Variants in CNKSR3 observed in about 807,000 individuals in gnomAD.
CNKSR3 encodes connector enhancer of kinase suppressor of ras 3.
Under a neutral mutation model 67.7 loss-of-function variants are expected in CNKSR3, and 36 were observed. The observed-to-expected ratio is 0.53, with a 90% CI of 0.41 to 0.70. The LOEUF is 0.70. CNKSR3 is among the 30% of genes least tolerant of loss of function. CNKSR3 has a pLI of 0.00. For missense variants in CNKSR3, 630 were observed against 695.2 expected (o/e 0.91, Z 1.05); for synonymous variants, 281 against 271.4 (o/e 1.04, Z -0.35).
At chr6:154,467,557 T>A (rs1786230340) in intron 1 of CNKSR3, among the ~76,000 whole-genome samples, 1 of 152,188 alleles carries the variant, frequency 6.6e-6, no homozygotes, top group South Asian at 2.1e-4. Context: ...TAGGTCATAT[T>A]CGTAAGAGGT....
intron 9 of CNKSR3, among the ~76,000 whole-genome samples, chr6:154,421,224 G>A (rs1785137526): frequency 6.6e-6 from 1 of 152,178 alleles, no homozygotes; most frequent in African/African-American, 2.4e-5. Flanking sequence ...ACGTTGGCCA[G>A]GCTGGTCTCA....
rs909123997 is a variant in CNKSR3, at chr6:154,492,977, C to T, written c.52+17086G>A. ...TTCATGTGACTATTGCCATGGCATC[C>T]GAACTAGTTCCCTGATCCCACCCTT... On this transcript the variant is annotated intron_variant, in intron 1 of 12. Transcript: ENST00000607772. Among the ~76,000 whole-genome samples the T allele has an allele frequency of 7.2e-5, 11 of 152,134 alleles. No individual in the cohort carries two copies. The East Asian group carries it at 7.7e-4, about 11-fold the overall frequency.
At position 154,450,128 on chromosome 6, in the gene CNKSR3, A is replaced by C; in HGVS notation, c.183T>G (p.Leu61=). ...LGVTRIGHQE[L]VLEAVDLLCA... is the part of the protein sequence containing the mutation. ...AGAGAAGGTCCACAGCCTCCAACAC[A>C]AGCTCCTGGTGTCCAATCCGTGTGA... is the stretch of plus-strand genomic sequence containing the variant. The change falls in exon 2 of 13, where the codon CTT becomes CTG. Residue 61 remains leucine (L), a synonymous_variant. Coordinates refer to ENST00000607772, the MANE Select transcript of CNKSR3 (RefSeq NM_173515.4). The C allele has an allele frequency of 6.2e-7, 1 of 1,614,054 alleles. No homozygotes were observed. The highest frequency in any genetic ancestry group is 8.5e-7 in the Non-Finnish European group (1 of 1,179,978).
Position 154,491,304 on chromosome 6 carries a change from A to G in CNKSR3, c.52+18759T>C, listed in dbSNP as rs952301036. 2.0e-5 allele frequency among the ~76,000 whole-genome samples: 3 copies of G among 152,204 alleles called. No individual in the cohort carries two copies. In the East Asian group the frequency reaches 5.8e-4, roughly 29 times the overall value. ...TTCCACTTAACTGAAGTCACCAAAC[A>G]AAGACAGCCCCTGTCTTATTCACTG... On this transcript the variant is annotated intron_variant, in intron 1 of 12. Transcript: ENST00000607772.
At chr6:154,426,604 C>T (rs931651281) in intron 7 of CNKSR3, among the ~76,000 whole-genome samples, 1 of 152,184 alleles carries the variant, frequency 6.6e-6, no homozygotes, top group Non-Finnish European at 1.5e-5. Context: ...ATCTGCCCAC[C>T]TCAGCCTCCC....
At chr6:154,449,451 T>C (rs529399792) in intron 2 of CNKSR3, among the ~76,000 whole-genome samples, 4 of 152,166 alleles carry the variant, frequency 2.6e-5, no homozygotes, top group Non-Finnish European at 5.9e-5. Flanking sequence ...GCCTCCTGAA[T>C]ATCTGCGACT....
At chr6:154,454,641 CCTCCCAAG>C (rs1785913472) in intron 1 of CNKSR3, among the ~76,000 whole-genome samples, 1 of 152,088 alleles carries the variant, frequency 6.6e-6, no homozygotes, top group Non-Finnish European at 1.5e-5. Flanking sequence ...CCTGCCTTAG[CCTCCCAAG>C]TAGCTGGGAC....
intron 1 of CNKSR3, among the ~76,000 whole-genome samples, chr6:154,501,092 C>T (rs1786986013): frequency 6.6e-6 from 1 of 152,212 alleles, no homozygotes; most frequent in Admixed American, 6.5e-5. Flanking sequence ...AGGAGAGCAT[C>T]TACCTTAGCC....
intron 4 of CNKSR3, among the ~76,000 whole-genome samples, chr6:154,438,762 G>C (rs1562332729): frequency 6.6e-6 from 1 of 152,146 alleles, no homozygotes; most frequent in East Asian, 1.9e-4. Flanking sequence ...CTTGAGTTCT[G>C]ATAAAAGTCA....
At chr6:154,471,455 G>A (rs1786328907) in intron 1 of CNKSR3, among the ~76,000 whole-genome samples, 1 of 152,114 alleles carries the variant, frequency 6.6e-6, no homozygotes, top group Non-Finnish European at 1.5e-5. Context: ...CAGGAGAATT[G>A]CTTCAATCCA....
At chr6:154,468,433 CCAT>C (rs1403539809) in intron 1 of CNKSR3, among the ~76,000 whole-genome samples, 2 of 145,418 alleles carry the variant, frequency 1.4e-5, no homozygotes, top group Admixed American at 6.9e-5. Flanking sequence ...CACACACACA[CCAT>C]GACCATCTAA....
chr6:154,500,256 A>AACACACAC (rs5881088), intron 1 of CNKSR3, among the ~76,000 whole-genome samples: 2,568 of 147,298 alleles, frequency 0.017, 65 homozygotes, highest in African/African-American at 0.049. Flanking sequence ...TAAAATTAGA[A>AACACACAC]ACACACACAC....
intron 1 of CNKSR3, among the ~76,000 whole-genome samples, chr6:154,493,737 C>A (rs1311871256): frequency 6.6e-6 from 1 of 152,098 alleles, no homozygotes; most frequent in East Asian, 1.9e-4. Context: ...GAAGGGGAGG[C>A]AGGCACACAT....
intron 1 of CNKSR3, among the ~76,000 whole-genome samples, chr6:154,509,307 AC>A (rs955930012): frequency 1.5e-5 from 1 of 66,222 alleles, no homozygotes. Flanking sequence ...TCCCCCCACC[AC>A]CCCCCCACCG....
In CNKSR3 at chr6:154,410,020, C is replaced by T. The variant is rs150166544; in HGVS notation, c.1369+323G>A. ...TATGATCACGCCACTGCACTCCAGC[C>T]TGTGTAACAGAGCAAGATCCTGTCT... On this transcript the variant is annotated intron_variant, in intron 12 of 12. Coordinates refer to ENST00000607772, the MANE Select transcript of CNKSR3 (RefSeq NM_173515.4). Among the ~76,000 whole-genome samples, 65 of 152,272 alleles carry T rather than the reference C, an allele frequency of 4.3e-4. No individual in the cohort carries two copies. In the East Asian group the frequency reaches 0.012, roughly 28 times the overall value.
At chr6:154,476,139 T>C (rs1373074470) in intron 1 of CNKSR3, among the ~76,000 whole-genome samples, 2 of 152,102 alleles carry the variant, frequency 1.3e-5, no homozygotes, top group African/African-American at 4.8e-5. Flanking sequence ...ATCAAGTACA[T>C]TCGCTTGACT....
intron 1 of CNKSR3, among the ~76,000 whole-genome samples, chr6:154,500,888 T>C (rs1055492423): frequency 2.0e-5 from 3 of 152,200 alleles, no homozygotes; most frequent in Non-Finnish European, 2.9e-5. Flanking sequence ...AATCAGCCAT[T>C]TGATGTCAAA....
chr6:154,422,749 G>T, intron 8 of CNKSR3, 97 bp from the exon 9 acceptor site: 2 of 1,380,336 alleles, frequency 1.4e-6, no homozygotes, highest in Non-Finnish European at 2.0e-6. Context: ...GTTGTGAGCA[G>T]ATACATAGAA....
intron 7 of CNKSR3, among the ~76,000 whole-genome samples, chr6:154,424,850 T>C (rs891080211): frequency 1.3e-5 from 2 of 152,130 alleles, no homozygotes; most frequent in Non-Finnish European, 1.5e-5. Flanking sequence ...CAGCCCACTG[T>C]AACCTCTGCC....
Sources: allele counts gnomAD v4.1 joint callset (sites outside exome capture counted in the v4.1 genomes callset), GRCh38; gene constraint gnomAD v4.1.1; transcripts MANE v1.5; gene names NCBI Gene and HGNC (gene_info 2026-07-23, HGNC 2026-07-21).